The following ZNF548 variants were observed in gnomAD, a reference collection of about 807,000 sequenced individuals.
ZNF548 encodes zinc finger protein 548.
A neutral mutation model predicts 10.2 loss-of-function variants in ZNF548; 10 were observed. The ratio of observed to expected loss-of-function variants is 0.98; its 90% confidence interval spans 0.60 to 1.66. ZNF548 has a LOEUF of 1.66. Among genes scored for constraint, ZNF548 ranks in the 40% most tolerant of loss-of-function variants. The pLI is 0.00. For synonymous variants in ZNF548, 217 were observed against 223.5 expected (o/e 0.97, Z 0.26); for missense variants, 599 against 657.0 (o/e 0.91, Z 0.97).
Position 57,400,319 on chromosome 19 carries a change from A to C in ZNF548, c.*430A>C, listed in dbSNP as rs1188915625. ...GCTACTTCCACCTTTTGCCTATTGA[A>C]ATAATGCTGCTATGAAGATGAGTGT... is the stretch of plus-strand genomic sequence containing the variant. On this transcript the variant is annotated 3_prime_UTR_variant, in exon 4 of 4. Transcript: ENST00000336128. 2 of 167,816 alleles carry C rather than the reference A, an allele frequency of 1.2e-5. No individual in the cohort carries two copies. The highest frequency in any genetic ancestry group is 4.8e-5 in the African/African-American group (2 of 41,704). The allele number at this position is 167,816 out of a possible 1,614,324, so 10.4% of individuals were successfully genotyped here. A position where few individuals can be genotyped will look rare whatever the true frequency, so the allele number is the denominator to read the frequency against.
chr19:57,399,008 A>G lies in ZNF548; in HGVS notation c.757A>G (p.Met253Val). The change falls in exon 4 of 4, where the codon ATG becomes GTG. Residue 253 changes from methionine (M) to valine (V), a missense_variant. By Grantham distance (21) the Met-to-Val change is conservative. Transcript: ENST00000336128. This position sits in a 1 kb window ranked among gnomAD's most constrained non-coding sequence, Gnocchi z 4.0. ...GKFFKYSANF[M>V]KHQTVHTSER... is the part of the protein sequence containing the mutation. ...ATTCTTTAAGTACAGTGCCAATTTC[A>G]TGAAACATCAGACAGTTCACACTAG... 1.9e-6 allele frequency: 3 copies of G among 1,614,162 alleles called. No homozygotes were observed. Among genetic ancestry groups the G allele is most frequent in the East Asian group, 2.2e-5 (1 of 44,894 alleles).
rs1330823045 is a variant in ZNF548 at position 57,401,870 on chromosome 19, C to G, written c.*1981C>G. The G allele has an allele frequency of 6.6e-6, 1 of 152,078 alleles. No individual in the cohort carries two copies. The highest frequency in any genetic ancestry group is 2.4e-5 in the African/African-American group (1 of 41,394). The allele number at this position is 152,078 out of a possible 1,614,324, so 9.4% of individuals were successfully genotyped here. On this transcript the variant is annotated 3_prime_UTR_variant, in exon 4 of 4. Coordinates refer to ENST00000336128, the MANE Select transcript of ZNF548 (RefSeq NM_001172773.2). ...CACCCCACCTCAGCCTCCCAAGTAG[C>G]TTGGATTACAAGTGTACACCACCAC...
Position 57,391,705 on chromosome 19 carries a change from G to A in ZNF548, c.15+1591G>A, listed in dbSNP as rs573277157. Among the ~76,000 whole-genome samples the A allele has an allele frequency of 1.0e-4, 15 of 150,172 alleles. No homozygotes were observed. The South Asian group carries it at 2.6e-3, about 26-fold the overall frequency. ...TGGTTTTAATTTGAATTTGTCTGAT[G>A]ATTAATGATGTTGAGCATTTTTTTA... On this transcript the variant is annotated intron_variant, in intron 1 of 3. Transcript: ENST00000336128.
chr19:57,393,926 A>C (rs1352061192), intron 1 of ZNF548: 3 of 573,078 alleles, frequency 5.2e-6, no homozygotes, highest in African/African-American at 1.9e-5. Context: ...TATATAGTAC[A>C]TGCTACTGAT....
At chr19:57,397,225 T>C (rs1429291459) in intron 3 of ZNF548, 51 bp downstream of exon 3, 1 of 1,499,662 alleles carries the variant, frequency 6.7e-7, no homozygotes. Context: ...TGTTACCCCT[T>C]TTTACCCAAA....
In ZNF548 at chr19:57,400,840, A is replaced by G. The variant is rs1473755760; in HGVS notation, c.*951A>G. On this transcript the variant is annotated 3_prime_UTR_variant, in exon 4 of 4. Coordinates refer to ENST00000336128, the MANE Select transcript of ZNF548 (RefSeq NM_001172773.2). ...ATTGCAATCTATATACATCCTCACCAACATTGTTCATTTTCTATTTCTGTT... is the reference window on the plus strand; with the variant it reads ...ATTGCAATCTATATACATCCTCACCGACATTGTTCATTTTCTATTTCTGTT... 4 of 152,122 alleles carry G rather than the reference A, an allele frequency of 2.6e-5. No homozygotes were observed. Among genetic ancestry groups the G allele is most frequent in the Non-Finnish European group, 5.9e-5 (4 of 68,026 alleles). The allele number at this position is 152,122 out of a possible 1,614,324, so 9.4% of individuals were successfully genotyped here. A position where few individuals can be genotyped will look rare whatever the true frequency, so the allele number is the denominator to read the frequency against.
intron 1 of ZNF548, chr19:57,393,044 CAAGAGAA>C: frequency 1.1e-6 from 1 of 916,470 alleles, no homozygotes; most frequent in Non-Finnish European, 1.3e-6. Context: ...CTCTGTTGAA[CAAGAGAA>C]ATGTTATTGA....
rs2088611107 is a variant in ZNF548, at chr19:57,390,023, G to T, written c.-77G>T. The T allele has an allele frequency of 4.5e-6, 7 of 1,555,050 alleles. No homozygotes were observed. In the East Asian group the frequency reaches 1.4e-4, roughly 30 times the overall value. On this transcript the variant is annotated 5_prime_UTR_variant, in exon 1 of 4. Coordinates refer to ENST00000336128, the MANE Select transcript of ZNF548 (RefSeq NM_001172773.2). The stretch of plus-strand genomic sequence containing the variant: ...GGAGTGAGTCAACTGACAAGCGCTG[G>T]GGACAGTGGCGTCCTTGTCTTGCCT...
Position 57,394,214 on chromosome 19 carries a change from C to A in ZNF548, c.42C>A (p.Asp14Glu). ...TEGPLAMAEM[D>E]PTQGRVVFED... is the part of the protein sequence containing the mutation. ...GTCCCCTGGCGATGGCAGAAATGGA[C>A]CCTACACAGGTGAGTAGAGTGTTTC... The change falls in exon 2 of 4, where the codon GAC becomes GAA. Residue 14 changes from aspartate to glutamate, a missense_variant. Coordinates refer to ENST00000336128, the MANE Select transcript of ZNF548 (RefSeq NM_001172773.2). The A allele has an allele frequency of 6.2e-7, 1 of 1,604,496 alleles. No homozygotes were observed. Among genetic ancestry groups the A allele is most frequent in the Non-Finnish European group, 8.5e-7 (1 of 1,179,466 alleles).
At chr19:57,392,881 C>T in intron 1 of ZNF548, 1 of 985,518 alleles carries the variant, frequency 1.0e-6, no homozygotes, top group Non-Finnish European at 1.2e-6. Context: ...ATACTCTGTC[C>T]AGAACGGTGC....
In ZNF548 at chr19:57,399,426, T is replaced by C; in HGVS notation, c.1175T>C (p.Leu392Pro). The C allele has an allele frequency of 6.2e-7, 1 of 1,614,160 alleles. No individual in the cohort carries two copies. Among genetic ancestry groups the C allele is most frequent in the Non-Finnish European group, 8.5e-7 (1 of 1,180,038 alleles). ...GAATTGTTTAGGTACAACTCCAGCC[T>C]TGTTAAACATTGGAGAAATCACACT... ...CGELFRYNSSLVKHWRNHTGE... is the reference protein window; with the variant it reads ...CGELFRYNSSPVKHWRNHTGE... The change falls in exon 4 of 4, where the codon CTT (leucine) becomes CCT (proline). Residue 392 changes from leucine to proline, a missense_variant. By Grantham distance (98) the Leu-to-Pro change is moderately conservative (BLOSUM62 -3). Transcript: ENST00000336128. The surrounding 1 kb of genome is among the most constrained non-coding windows in gnomAD (Gnocchi z 4.0).
rs1205371313 is a variant in ZNF548, at chr19:57,395,311, G to C, written c.51+1088G>C. Among the ~76,000 whole-genome samples, 2 of 152,156 alleles carry C rather than the reference G, an allele frequency of 1.3e-5. No individual in the cohort carries two copies. The highest frequency in any genetic ancestry group is 2.9e-5 in the Non-Finnish European group (2 of 68,030). ...GAGTGGACATGATGGGGTTGCTGAG[G>C]GGGGATAATAGGGTGAGGTCGGAGA... On this transcript the variant is annotated intron_variant, in intron 2 of 3. Coordinates refer to ENST00000336128, the MANE Select transcript of ZNF548 (RefSeq NM_001172773.2). This position sits in a 1 kb window ranked among gnomAD's most constrained non-coding sequence, Gnocchi z 4.8.
In ZNF548 at chr19:57,389,967, G is replaced by C. The variant is rs2088610488; in HGVS notation, c.-133G>C. 8.5e-7 allele frequency: 1 copy of C among 1,176,398 alleles called. No individual in the cohort carries two copies. Among genetic ancestry groups the C allele is most frequent in the African/African-American group, 1.5e-5 (1 of 66,166 alleles). The allele number at this position is 1,176,398 out of a possible 1,614,324, so 72.9% of individuals were successfully genotyped here. The stretch of plus-strand genomic sequence containing the variant: ...GAAGTGACGGAACGGAAAAGCGCGA[G>C]AAGCGGCTCGGTTCCCACCACGGAG... On this transcript the variant is annotated 5_prime_UTR_variant, in exon 1 of 4. Coordinates refer to ENST00000336128, the MANE Select transcript of ZNF548 (RefSeq NM_001172773.2).
At position 57,401,476 on chromosome 19, in the gene ZNF548, T is replaced by A. The variant is rs903129900; in HGVS notation, c.*1587T>A. ...ATGATAATCTATATAGGAAGATGTG[T>A]GTAGGTTATATTCAAACACTATGCC... On this transcript the variant is annotated 3_prime_UTR_variant, in exon 4 of 4. Transcript: ENST00000336128. 1 of 152,198 alleles carries A rather than the reference T, an allele frequency of 6.6e-6. No homozygotes were observed. Among genetic ancestry groups the A allele is most frequent in the African/African-American group, 2.4e-5 (1 of 41,452 alleles). 9.4% of individuals were successfully genotyped at this position (152,198 alleles called of 1,614,324 possible).
In ZNF548 at chr19:57,402,319, T is replaced by C. The variant is rs1215307453; in HGVS notation, c.*2430T>C. On this transcript the variant is annotated 3_prime_UTR_variant, in exon 4 of 4. Coordinates refer to ENST00000336128, the MANE Select transcript of ZNF548 (RefSeq NM_001172773.2). The stretch of plus-strand genomic sequence containing the variant: ...TGAGACTCAGTGTTGAGGACAAGGC[T>C]AGTGGGCTTTCACACTCCAGACTGC... The C allele has an allele frequency of 6.6e-6, 1 of 152,204 alleles. No individual in the cohort carries two copies. Among genetic ancestry groups the C allele is most frequent in the Admixed American group, 6.5e-5 (1 of 15,280 alleles). The allele number at this position is 152,204 out of a possible 1,614,324, so 9.4% of individuals were successfully genotyped here. A position where few individuals can be genotyped will look rare whatever the true frequency, so the allele number is the denominator to read the frequency against.
rs891291231 is a variant in ZNF548, at chr19:57,402,333, A to T, written c.*2444A>T. The stretch of plus-strand genomic sequence containing the variant: ...GAGGACAAGGCTAGTGGGCTTTCAC[A>T]CTCCAGACTGCTGTATTCCAGCCCA... On this transcript the variant is annotated 3_prime_UTR_variant, in exon 4 of 4. Coordinates refer to ENST00000336128, the MANE Select transcript of ZNF548 (RefSeq NM_001172773.2). 1.3e-5 allele frequency: 2 copies of T among 152,046 alleles called. No individual in the cohort carries two copies. Among genetic ancestry groups the T allele is most frequent in the African/African-American group, 4.8e-5 (2 of 41,372 alleles). 9.4% of individuals were successfully genotyped at this position (152,046 alleles called of 1,614,324 possible).
intron 1 of ZNF548, chr19:57,392,877 T>C (rs2088636928): frequency 1.0e-6 from 1 of 985,416 alleles, no homozygotes; most frequent in South Asian, 4.7e-5. Context: ...CATCATACTC[T>C]GTCCAGAACG....
At chr19:57,391,619 A>G (rs1363562399) in intron 1 of ZNF548, among the ~76,000 whole-genome samples, 1 of 152,092 alleles carries the variant, frequency 6.6e-6, no homozygotes, top group East Asian at 1.9e-4. Flanking sequence ...TATCCTGGGC[A>G]ACATCAGTTG....
Position 57,401,078 on chromosome 19 carries a change from G to C in ZNF548, c.*1189G>C, listed in dbSNP as rs1041580413. On this transcript the variant is annotated 3_prime_UTR_variant, in exon 4 of 4. Transcript: ENST00000336128. ...ACTATTTGCTTTTTGTTGTTGAGTT[G>C]TAGTTCTTTATACATTCTGGATATT... 9 of 151,890 alleles carry C rather than the reference G, an allele frequency of 5.9e-5. No homozygotes were observed. The highest frequency in any genetic ancestry group is 2.2e-4 in the African/African-American group (9 of 41,336). 9.4% of individuals were successfully genotyped at this position (151,890 alleles called of 1,614,324 possible).
Sources: allele counts gnomAD v4.1 joint callset (sites outside exome capture counted in the v4.1 genomes callset), GRCh38; gene constraint gnomAD v4.1.1; non-coding constraint Gnocchi (gnomAD v3.1); transcripts MANE v1.5; gene names NCBI Gene and HGNC (gene_info 2026-07-23, HGNC 2026-07-21).